The following PRSS12 variants were observed in gnomAD, a reference collection of about 807,000 sequenced individuals.
PRSS12 encodes the protein neurotrypsin.
In PRSS12, 85 loss-of-function variants were observed where a neutral mutation model predicts 104.4. The observed-to-expected ratio is 0.81, with a 90% confidence interval of 0.68 to 0.98. The LOEUF is 0.98. PRSS12 is among the 50% of genes least tolerant of loss of function. The pLI is 0.00. For missense variants in PRSS12, 1,141 were observed against 1,139.2 expected, an observed-to-expected ratio of 1.00 and a Z score of -0.02; for synonymous variants, 454 against 425.2, an observed-to-expected ratio of 1.07 and a Z score of -0.83.
rs1482602698 is a variant in PRSS12 at position 118,281,759 on chromosome 4, T to TG, written c.*176dup. On this transcript the variant is annotated 3_prime_UTR_variant, in exon 13 of 13. Coordinates refer to ENST00000296498, the MANE Select transcript of PRSS12 (RefSeq NM_003619.4). ...TTAAGGATTATCACTTCCACTACAC[T>TG]GAGGCCTCTGAAAATGTTCACAAAT... 1 of 644,400 alleles carries TG rather than the reference T, an allele frequency of 1.6e-6. No individual in the cohort carries two copies. The highest frequency in any genetic ancestry group is 2.3e-5 in the Admixed American group (1 of 43,676). The allele number at this position is 644,400 out of a possible 1,614,324, so 39.9% of individuals were successfully genotyped here. A position where few individuals can be genotyped will look rare whatever the true frequency, so the allele number is the denominator to read the frequency against.
intron 6 of PRSS12, 143 bp downstream of exon 6, chr4:118,316,038 AT>A (rs1310066180): frequency 3.3e-6 from 3 of 911,124 alleles, no homozygotes. Flanking sequence ...AAATGTCATT[AT>A]TTTTCATTGT....
intron 6 of PRSS12, among the ~76,000 whole-genome samples, chr4:118,315,027 T>A (rs907808162): frequency 2.0e-5 from 3 of 152,062 alleles, no homozygotes; most frequent in African/African-American, 7.2e-5. Flanking sequence ...TATCATACCC[T>A]TTTACACAAA....
intron 4 of PRSS12, among the ~76,000 whole-genome samples, chr4:118,322,448 C>T (rs111741979): frequency 0.062 from 9,351 of 151,338 alleles, 371 homozygotes; most frequent in South Asian, 0.14. Flanking sequence ...TGGGAGGCTG[C>T]GGCAGGAGAA....
In PRSS12 at chr4:118,335,574, C is replaced by T. The variant is rs369651650; in HGVS notation, c.719G>A (p.Arg240Gln). Residue 240 changes from arginine to glutamine, a missense_variant, in exon 3 of 13, where the codon CGA (arginine) becomes CAA (glutamine). Physicochemically the swap from Arg to Gln is conservative, Grantham distance 43 (BLOSUM62 1). Coordinates refer to ENST00000296498, the MANE Select transcript of PRSS12 (RefSeq NM_003619.4). ...AAGCAGTATATTTTCTTCATCTCCT[C>T]GGCAACGGACATTGCTCCAATAAAT... ...IPIYWSNVRC[R>Q]GDEENILLCE... 6.8e-6 allele frequency: 11 copies of T among 1,613,944 alleles called. No individual in the cohort carries two copies. The highest frequency in any genetic ancestry group is 3.3e-5 in the Admixed American group (2 of 59,960).
intron 1 of PRSS12, among the ~76,000 whole-genome samples, chr4:118,343,782 A>G (rs1014224029): frequency 6.6e-6 from 1 of 152,214 alleles, no homozygotes; most frequent in African/African-American, 2.4e-5. Flanking sequence ...CTGCCTATTT[A>G]GTTAACCCCT....
In PRSS12 at chr4:118,296,601, T is replaced by C. The variant is rs529698715; in HGVS notation, c.1838-745A>G. ...GTTTCTTTGGTTAAATATATGTGTA[T>C]AAAGTATAGATATGTACTGTTTTTC... On this transcript the variant is annotated intron_variant, in intron 9 of 12. Coordinates refer to ENST00000296498, the MANE Select transcript of PRSS12 (RefSeq NM_003619.4). 2.0e-5 allele frequency among the ~76,000 whole-genome samples: 3 copies of C among 152,332 alleles called. No individual in the cohort carries two copies. The South Asian group carries it at 6.2e-4, about 32-fold the overall frequency.
intron 1 of PRSS12, among the ~76,000 whole-genome samples, 200 bp downstream of exon 1, chr4:118,352,019 A>G (rs1724517995): frequency 6.6e-6 from 1 of 152,056 alleles, no homozygotes; most frequent in South Asian, 2.1e-4. Flanking sequence ...CCTTCACACA[A>G]GCACACCTGG....
intron 6 of PRSS12, 56 bp downstream of exon 6, chr4:118,316,126 A>C: frequency 6.3e-7 from 1 of 1,589,580 alleles, no homozygotes; most frequent in Non-Finnish European, 8.6e-7. Flanking sequence ...TAACATAATA[A>C]GACTTTTAAC....
At chr4:118,308,706 G>T in intron 7 of PRSS12, 129 bp from the exon 8 acceptor site, 1 of 1,277,260 alleles carries the variant, frequency 7.8e-7, no homozygotes, top group Non-Finnish European at 1.1e-6. Context: ...ACTTTTTTGA[G>T]AGAGAGGAGA....
At chr4:118,305,563 A>G (rs943796762) in intron 8 of PRSS12, among the ~76,000 whole-genome samples, 5 of 152,084 alleles carry the variant, frequency 3.3e-5, no homozygotes, top group African/African-American at 1.2e-4. Context: ...GGTGCTAAAT[A>G]TATCCATCAC....
In PRSS12 at chr4:118,352,521, C is replaced by T. The variant is rs1222618631; in HGVS notation, c.200G>A (p.Arg67His). 1.4e-6 allele frequency: 2 copies of T among 1,462,300 alleles called. No individual in the cohort carries two copies. The highest frequency in any genetic ancestry group is 2.9e-5 in the African/African-American group (2 of 68,142). 90.6% of individuals were successfully genotyped at this position (1,462,300 alleles called of 1,614,324 possible). A position where few individuals can be genotyped will look rare whatever the true frequency, so the allele number is the denominator to read the frequency against. ...RPPPPLPRFPRPPRALPAQRP... is the reference protein window; with the variant it reads ...RPPPPLPRFPHPPRALPAQRP... ...CTGGGCAGGGAGCGCCCGCGGGGGG[C>T]GCGGGAAGCGCGGGAGAGGCGGCGG... The change falls in exon 1 of 13, where the codon CGC becomes CAC. Residue 67 changes from arginine to histidine, a missense_variant. Arg to His is a conservative substitution (Grantham distance 29). Transcript: ENST00000296498.
intron 3 of PRSS12, among the ~76,000 whole-genome samples, chr4:118,333,421 A>C (rs1723976199): frequency 6.6e-6 from 1 of 152,194 alleles, no homozygotes; most frequent in East Asian, 1.9e-4. Context: ...AAGCACTCAT[A>C]TTTGAGTTTT....
At chr4:118,318,615 T>A (rs1455420183) in intron 4 of PRSS12, 59 bp from the exon 5 acceptor site, 10 of 1,524,672 alleles carry the variant, frequency 6.6e-6, no homozygotes, top group Non-Finnish European at 8.9e-6. Flanking sequence ...GGTCTTTTAT[T>A]TTTTTTTTGT....
At position 118,352,721 on chromosome 4, in the gene PRSS12, G is replaced by A; in HGVS notation, c.-1C>T. ...CTAGCACGAAGCGGGCGAGCGTCAT[G>A]GTGCCAGCGCTGCGGGGTCTGGTCC... On this transcript the variant is annotated 5_prime_UTR_variant, in exon 1 of 13. Transcript: ENST00000296498. The A allele has an allele frequency of 6.2e-7, 1 of 1,612,750 alleles. No homozygotes were observed. The highest frequency in any genetic ancestry group is 8.5e-7 in the Non-Finnish European group (1 of 1,179,282).
intron 6 of PRSS12, 79 bp downstream of exon 6, chr4:118,316,103 T>G: frequency 6.7e-7 from 1 of 1,491,384 alleles, no homozygotes; most frequent in East Asian, 2.4e-5. Context: ...TTATAAAAAT[T>G]ACAAGTAGGG....
chr4:118,318,794 T>A (rs116325043), intron 4 of PRSS12, among the ~76,000 whole-genome samples: 2,338 of 152,290 alleles, frequency 0.015, 19 homozygotes, highest in Non-Finnish European at 0.023. Flanking sequence ...CTTTTCTTCA[T>A]TAGTAATGGA....
intron 9 of PRSS12, among the ~76,000 whole-genome samples, chr4:118,297,791 C>G (rs918798319): frequency 6.6e-6 from 1 of 151,972 alleles, no homozygotes; most frequent in African/African-American, 2.4e-5. Flanking sequence ...TAAAATGTAC[C>G]ACAAATTTCT....
intron 11 of PRSS12, among the ~76,000 whole-genome samples, chr4:118,283,798 A>G (rs1742951526): frequency 6.6e-6 from 1 of 152,330 alleles, no homozygotes. Context: ...ACTTTGTAAC[A>G]AAACTATCTA....
At chr4:118,299,727 A>AAAATAAAATAAAAT (rs1560768223) in intron 8 of PRSS12, among the ~76,000 whole-genome samples, 23 of 81,792 alleles carry the variant, frequency 2.8e-4, no homozygotes, top group African/African-American at 8.6e-4. Context: ...AAAATAAAAT[A>AAAATAAAATAAAAT]AAATAAAATA....
Sources: gnomAD v4.1 joint callset for allele counts (sites outside exome capture counted in the v4.1 genomes callset) on GRCh38, gnomAD v4.1.1 for gene constraint, MANE v1.5 for transcripts, NCBI Gene and HGNC (gene_info 2026-07-23, HGNC 2026-07-21) for gene names.